PLXDC2: variants seen among roughly 807,000 people sequenced by gnomAD.
The protein encoded by PLXDC2 is plexin domain-containing protein 2.
PLXDC2 carries 40 observed loss-of-function variants against 68.9 expected under a neutral mutation model. The ratio of observed to expected loss-of-function variants is 0.58; its 90% CI spans 0.45 to 0.76. PLXDC2 has a LOEUF of 0.76. Among genes scored for constraint, PLXDC2 ranks in the 30% least tolerant of loss-of-function variants. PLXDC2 has a pLI of 0.00. For missense variants in PLXDC2, 644 were observed against 661.9 expected (o/e 0.97, Z 0.30); for synonymous variants, 243 against 234.2 (o/e 1.04, Z -0.34).
intron 1 of PLXDC2, among the ~76,000 whole-genome samples, chr10:19,883,080 C>G (rs1282251188): frequency 3.3e-5 from 5 of 151,816 alleles, no homozygotes. Flanking sequence ...CCTCAGCCTC[C>G]CGAGTAGCTG....
At chr10:20,094,187 T>G (rs1201596541) in intron 4 of PLXDC2, among the ~76,000 whole-genome samples, 1 of 152,224 alleles carries the variant, frequency 6.6e-6, no homozygotes, top group Non-Finnish European at 1.5e-5. Context: ...ACCACTTGGA[T>G]TTTTAGCTGA....
At chr10:20,194,789 C>G (rs1488290498) in intron 9 of PLXDC2, among the ~76,000 whole-genome samples, 1 of 110,052 alleles carries the variant, frequency 9.1e-6, no homozygotes, top group Non-Finnish European at 1.7e-5. Context: ...CTCCCCCCTC[C>G]CCCCACCCCA....
intron 12 of PLXDC2, among the ~76,000 whole-genome samples, chr10:20,238,687 A>ACACACATATATGTG (rs1835471231): frequency 9.8e-6 from 1 of 101,672 alleles, no homozygotes; most frequent in Admixed American, 1.0e-4. Context: ...GTATATATAT[A>ACACACATATATGTG]TATATACACA....
At chr10:19,941,997 T>C (rs1441583111) in intron 1 of PLXDC2, among the ~76,000 whole-genome samples, 1 of 151,816 alleles carries the variant, frequency 6.6e-6, no homozygotes. Context: ...AAAAGAACTT[T>C]GGTTTTGGAG....
At chr10:19,965,014 C>G (rs1376315226) in intron 1 of PLXDC2, among the ~76,000 whole-genome samples, 1 of 152,148 alleles carries the variant, frequency 6.6e-6, no homozygotes, top group Non-Finnish European at 1.5e-5. Flanking sequence ...ATTTCAGAGA[C>G]AATATTTAAT....
intron 4 of PLXDC2, among the ~76,000 whole-genome samples, chr10:20,098,620 TCAGTACACATTC>T (rs1254491142): frequency 3.9e-5 from 6 of 152,206 alleles, no homozygotes; most frequent in Non-Finnish European, 8.8e-5. Flanking sequence ...AACATCCTAT[TCAGTACACATTC>T]TCACTTTCTT....
At chr10:20,185,541 T>C (rs1436614859) in intron 9 of PLXDC2, among the ~76,000 whole-genome samples, 1 of 152,022 alleles carries the variant, frequency 6.6e-6, no homozygotes, top group Non-Finnish European at 1.5e-5. Context: ...AAGCCAGATA[T>C]TCTTGGAATA....
At chr10:20,147,177 T>C (rs1164671884) in intron 5 of PLXDC2, among the ~76,000 whole-genome samples, 4 of 152,142 alleles carry the variant, frequency 2.6e-5, no homozygotes, top group Non-Finnish European at 5.9e-5. Context: ...TTCATCCCAG[T>C]GTGCTTCAAG....
intron 3 of PLXDC2, among the ~76,000 whole-genome samples, chr10:20,053,856 T>C (rs532928512): frequency 6.6e-6 from 1 of 152,218 alleles, no homozygotes; most frequent in Non-Finnish European, 1.5e-5. Flanking sequence ...AATGCCTGCC[T>C]TTACTGCCTC....
intron 1 of PLXDC2, among the ~76,000 whole-genome samples, chr10:19,847,094 T>C (rs1351650492): frequency 5.3e-5 from 8 of 152,234 alleles, no homozygotes; most frequent in African/African-American, 1.9e-4. Flanking sequence ...TTGGGTATTA[T>C]TACAATTCAA....
intron 1 of PLXDC2, among the ~76,000 whole-genome samples, chr10:19,823,764 A>T (rs752114976): frequency 6.6e-6 from 1 of 151,982 alleles, no homozygotes; most frequent in Non-Finnish European, 1.5e-5. Flanking sequence ...AGACAGGGGG[A>T]TTGCTTGAGT....
chr10:20,201,036 A>G (rs931452544), intron 9 of PLXDC2, among the ~76,000 whole-genome samples: 4 of 152,096 alleles, frequency 2.6e-5, no homozygotes, highest in Admixed American at 6.6e-5. Context: ...ACACTGATGC[A>G]AAGGAAGGGA....
chr10:19,819,692 G>T (rs558563430), intron 1 of PLXDC2, among the ~76,000 whole-genome samples: 3 of 152,214 alleles, frequency 2.0e-5, no homozygotes. Flanking sequence ...TTAGAGGGAA[G>T]TAGTTTATGT....
At position 19,880,305 on chromosome 10, in the gene PLXDC2, G is replaced by A. The variant is rs183839700; in HGVS notation, c.112+63114G>A. Among the ~76,000 whole-genome samples, 3 of 152,240 alleles carry A rather than the reference G, an allele frequency of 2.0e-5. No individual in the cohort carries two copies. The East Asian group carries it at 5.8e-4, about 29-fold the overall frequency. ...GGGGCATATGTACCAAGACTCCCAG[G>A]GGATCCCTGAAAGCTCAGATAGAAC... On this transcript the variant is annotated intron_variant, in intron 1 of 13. Transcript: ENST00000377252.
intron 12 of PLXDC2, among the ~76,000 whole-genome samples, chr10:20,237,287 G>A (rs1835446104): frequency 6.6e-6 from 1 of 152,046 alleles, no homozygotes; most frequent in Non-Finnish European, 1.5e-5. Context: ...GGTACACCTT[G>A]TATAATAGTT....
chr10:19,937,938 A>T (rs566470506), intron 1 of PLXDC2, among the ~76,000 whole-genome samples: 1 of 152,222 alleles, frequency 6.6e-6, no homozygotes, highest in East Asian at 1.9e-4. Context: ...GTCTGATATC[A>T]GTGGTAATCA....
intron 1 of PLXDC2, among the ~76,000 whole-genome samples, chr10:19,956,771 C>A (rs762818671): frequency 1.3e-5 from 2 of 152,296 alleles, no homozygotes; most frequent in Non-Finnish European, 2.9e-5. Flanking sequence ...GTCTTACATA[C>A]TAGCGTTGTC....
chr10:20,040,199 C>T (rs751294307), intron 2 of PLXDC2, among the ~76,000 whole-genome samples: 3 of 152,108 alleles, frequency 2.0e-5, no homozygotes, highest in Admixed American at 6.5e-5. Context: ...TCTGAGGCAG[C>T]GACTGGATTC....
At chr10:20,230,710 A>AAAAAAAAAAAAAAAAAAAAG (rs1835352153) in intron 12 of PLXDC2, among the ~76,000 whole-genome samples, 2 of 149,702 alleles carry the variant, frequency 1.3e-5, no homozygotes, top group Non-Finnish European at 3.0e-5. Flanking sequence ...AAAAAAAAAA[A>AAAAAAAAAAAAAAAAAAAAG]AAAACAGGAA....
Sources: gnomAD v4.1 joint callset for allele counts (sites outside exome capture counted in the v4.1 genomes callset) on GRCh38, gnomAD v4.1.1 for gene constraint, MANE v1.5 for transcripts, NCBI Gene and HGNC (gene_info 2026-07-23, HGNC 2026-07-21) for gene names.